CADM2: variants seen among roughly 807,000 people sequenced by gnomAD.
CADM2 encodes the protein cell adhesion molecule 2, also known as immunoglobulin superfamily member 4D.
CADM2 carries 12 observed loss-of-function variants against 49.8 expected under a neutral mutation model. The ratio of observed to expected loss-of-function variants is 0.24; its 90% confidence interval spans 0.15 to 0.39. The LOEUF (loss-of-function observed/expected upper bound fraction) is 0.39, where lower values mean the gene tolerates loss of function less well. CADM2 is among the 10% of genes least tolerant of loss of function. The pLI is 1.00. For synonymous variants in CADM2, 214 were observed against 175.4 expected, an observed-to-expected ratio of 1.22 and a Z score of -1.74; for missense variants, 378 against 492.3, an observed-to-expected ratio of 0.77 and a Z score of 2.20.
At chr3:85,601,173 T>TACAC (rs374397941) in intron 1 of CADM2, among the ~76,000 whole-genome samples, 80 of 99,370 alleles carry the variant, frequency 8.1e-4, no homozygotes, top group African/African-American at 3.1e-3. Context: ...TATATATATA[T>TACAC]ACACACACAC....
chr3:85,657,920 T>A (rs1223060409), intron 1 of CADM2, among the ~76,000 whole-genome samples: 1 of 151,786 alleles, frequency 6.6e-6, no homozygotes, highest in East Asian at 1.9e-4. Context: ...TGGAGTTAAA[T>A]GAATTGGAAG....
At chr3:85,613,725 G>C (rs111281392) in intron 1 of CADM2, among the ~76,000 whole-genome samples, 1 of 151,472 alleles carries the variant, frequency 6.6e-6, no homozygotes, top group African/African-American at 2.4e-5. Flanking sequence ...CAAAACTAGT[G>C]ACTATAAGAA....
chr3:85,432,501 T>A (rs140200769), intron 1 of CADM2, among the ~76,000 whole-genome samples: 140 of 152,248 alleles, frequency 9.2e-4, no homozygotes, highest in African/African-American at 3.3e-3. Flanking sequence ...TGAATTTTAT[T>A]GTCATTTCCA....
At chr3:85,107,706 T>C (rs1302988231) in intron 1 of CADM2, among the ~76,000 whole-genome samples, 1 of 146,858 alleles carries the variant, frequency 6.8e-6, no homozygotes, top group Non-Finnish European at 1.5e-5. Flanking sequence ...TCTCTTTCTT[T>C]TTTTTTTTTT....
rs569729367 is a variant in CADM2, at chr3:85,980,872, T to A, written c.970+19225T>A. ...ATTGACTTTTTTTAAAAGATCCATT[T>A]GTAACACAAAAATCTAATATTCAAT... is the stretch of plus-strand genomic sequence containing the variant. On this transcript the variant is annotated intron_variant, in intron 8 of 9. Coordinates refer to ENST00000383699, the MANE Select transcript of CADM2 (RefSeq NM_001167675.2). Among the ~76,000 whole-genome samples the A allele has an allele frequency of 9.9e-5, 15 of 151,666 alleles. No homozygotes were observed. The South Asian group carries it at 3.1e-3, about 31-fold the overall frequency.
At chr3:85,762,695 A>T (rs2069454542) in intron 2 of CADM2, among the ~76,000 whole-genome samples, 1 of 151,548 alleles carries the variant, frequency 6.6e-6, no homozygotes, top group Non-Finnish European at 1.5e-5. Flanking sequence ...TAAATAATGT[A>T]CTATATATAT....
intron 1 of CADM2, among the ~76,000 whole-genome samples, chr3:85,284,341 ACT>A (rs1340617542): frequency 1.3e-5 from 2 of 152,000 alleles, no homozygotes; most frequent in East Asian, 3.9e-4. Flanking sequence ...ATATAGAAAA[ACT>A]CTATTTAAAA....
intron 1 of CADM2, among the ~76,000 whole-genome samples, chr3:85,703,718 G>A (rs977537737): frequency 6.6e-6 from 1 of 152,144 alleles, no homozygotes; most frequent in East Asian, 1.9e-4. Flanking sequence ...AGAGATAAGG[G>A]TTTAAGTGGT....
intron 1 of CADM2, among the ~76,000 whole-genome samples, chr3:85,242,069 T>A (rs2042544346): frequency 6.6e-6 from 1 of 150,822 alleles, no homozygotes; most frequent in Admixed American, 6.6e-5. Context: ...TCTGTTGTTT[T>A]TTTTTTTATA....
intron 2 of CADM2, among the ~76,000 whole-genome samples, chr3:85,789,647 T>C (rs1039972387): frequency 6.6e-6 from 1 of 152,188 alleles, no homozygotes; most frequent in Non-Finnish European, 1.5e-5. Context: ...AAATCATGTG[T>C]TCATTGAATA....
At chr3:85,114,007 T>C (rs981809191) in intron 1 of CADM2, among the ~76,000 whole-genome samples, 1 of 152,114 alleles carries the variant, frequency 6.6e-6, no homozygotes, top group African/African-American at 2.4e-5. Context: ...TATTGATAGA[T>C]AATACTTAGT....
chr3:85,644,955 C>CA (rs1380511607), intron 1 of CADM2, among the ~76,000 whole-genome samples: 1 of 151,990 alleles, frequency 6.6e-6, no homozygotes, highest in Non-Finnish European at 1.5e-5. Context: ...TCAATAGTGG[C>CA]ACCATTATAT....
chr3:85,769,505 A>ATATATACACGTATATACATATATAG, intron 2 of CADM2, among the ~76,000 whole-genome samples: 1 of 67,512 alleles, frequency 1.5e-5, no homozygotes, highest in African/African-American at 5.4e-5. Context: ...ACATATATGT[A>ATATATACACGTATATACATATATAG]TATATACACG....
At chr3:85,669,549 T>C (rs1559582062) in intron 1 of CADM2, among the ~76,000 whole-genome samples, 1 of 152,246 alleles carries the variant, frequency 6.6e-6, no homozygotes, top group South Asian at 2.1e-4. Flanking sequence ...TGAAGAGCAA[T>C]GTGTGTTTTC....
chr3:85,469,413 G>A (rs2038666679), intron 1 of CADM2, among the ~76,000 whole-genome samples: 1 of 152,076 alleles, frequency 6.6e-6, no homozygotes, highest in African/African-American at 2.4e-5. Context: ...CAGAAAAGAC[G>A]GGCCCTGTGT....
At chr3:85,156,869 T>C (rs1047829876) in intron 1 of CADM2, among the ~76,000 whole-genome samples, 1 of 152,118 alleles carries the variant, frequency 6.6e-6, no homozygotes, top group Non-Finnish European at 1.5e-5. Flanking sequence ...AAATAAAAGG[T>C]ATTCATTTAG....
chr3:85,037,449 A>T (rs2035266798), intron 1 of CADM2, among the ~76,000 whole-genome samples: 1 of 152,200 alleles, frequency 6.6e-6, no homozygotes, highest in African/African-American at 2.4e-5. Flanking sequence ...CCTAGATTAG[A>T]GATCACTAAC....
chr3:85,638,136 T>G (rs1390628817), intron 1 of CADM2, among the ~76,000 whole-genome samples: 1 of 152,202 alleles, frequency 6.6e-6, no homozygotes, highest in Non-Finnish European at 1.5e-5. Flanking sequence ...TAATTGAATA[T>G]GTAGATATTA....
chr3:85,471,053 C>G (rs1186863766), intron 1 of CADM2, among the ~76,000 whole-genome samples: 1 of 152,112 alleles, frequency 6.6e-6, no homozygotes, highest in East Asian at 1.9e-4. Flanking sequence ...ACTTAGGAAA[C>G]AAACTAAAGC....
Sources: allele counts gnomAD v4.1 joint callset (sites outside exome capture counted in the v4.1 genomes callset), GRCh38; gene constraint gnomAD v4.1.1; transcripts MANE v1.5; gene names NCBI Gene and HGNC (gene_info 2026-07-23, HGNC 2026-07-21).